Variants in CDH18 observed in about 807,000 individuals in gnomAD.
The protein encoded by CDH18 is cadherin 18.
Under a neutral mutation model 67.9 loss-of-function variants are expected in CDH18, and 31 were observed. The observed-to-expected ratio is 0.46, with a 90% CI of 0.34 to 0.62. The LOEUF is 0.62. Among genes scored for constraint, CDH18 ranks in the 20% least tolerant of loss-of-function variants. CDH18 has a pLI of 0.01. For missense variants in CDH18, 890 were observed against 975.5 expected, an observed-to-expected ratio of 0.91 and a Z score of 1.17; for synonymous variants, 362 against 347.2, an observed-to-expected ratio of 1.04 and a Z score of -0.48.
rs6874794 is a variant in CDH18, at chr5:20,505,941, C to T, written c.-580+69521G>A. 8.6e-3 allele frequency among the ~76,000 whole-genome samples: 1,308 copies of T among 152,292 alleles called. 8 individuals are homozygous for T. Among genetic ancestry groups the T allele is most frequent in the Middle Eastern group, 0.037 (11 of 294 alleles). ...CCCATCAGTTAGGACACCACACTCA[C>T]ACATGTGCTATGCCTGGTCCCTGTG... On this transcript the variant is annotated intron_variant, in intron 1 of 14. Coordinates refer to the CDH18 transcript ENST00000507958.
intron 2 of CDH18, among the ~76,000 whole-genome samples, chr5:20,103,147 A>G (rs550186456): frequency 6.6e-5 from 10 of 152,304 alleles, no homozygotes; most frequent in African/African-American, 2.4e-4. Context: ...CAGTACAGAC[A>G]AGCGTTCTTT....
rs112095818 is a variant in CDH18, at chr5:20,457,254, T to C, written c.-580+118208A>G. The stretch of plus-strand genomic sequence containing the variant: ...AGGGTAGAGGCAAGACAATGTACCA[T>C]GTTAAAAAGAGGATAAAAAGATTTC... On this transcript the variant is annotated intron_variant, in intron 1 of 14. Transcript: ENST00000507958. Among the ~76,000 whole-genome samples, 89 of 152,282 alleles carry C rather than the reference T, an allele frequency of 5.8e-4. 2 individuals are homozygous for C. The highest frequency in any genetic ancestry group is 1.9e-3 in the African/African-American group (79 of 41,564).
chr5:19,606,392 GA>G (rs1561454424), intron 6 of CDH18, among the ~76,000 whole-genome samples: 2 of 151,972 alleles, frequency 1.3e-5, no homozygotes, highest in African/African-American at 4.8e-5. Flanking sequence ...AAAAAGTTTT[GA>G]AATAAGTATG....
At chr5:20,313,900 G>A (rs1040469209) in intron 1 of CDH18, among the ~76,000 whole-genome samples, 2 of 152,084 alleles carry the variant, frequency 1.3e-5, no homozygotes, top group Non-Finnish European at 2.9e-5. Context: ...ACTCAAAGAA[G>A]GCGACCAACA....
intron 3 of CDH18, among the ~76,000 whole-genome samples, chr5:19,755,427 G>GAATATATATA (rs1771413207): frequency 2.2e-5 from 1 of 44,660 alleles, no homozygotes; most frequent in Non-Finnish European, 4.7e-5. Flanking sequence ...AACTAACAGG[G>GAATATATATA]TATGTATATA....
At chr5:20,038,293 C>T (rs1429562424) in intron 2 of CDH18, among the ~76,000 whole-genome samples, 1 of 152,106 alleles carries the variant, frequency 6.6e-6, no homozygotes, top group South Asian at 2.1e-4. Context: ...TGGTACCATT[C>T]CTTCTGAAAC....
chr5:19,637,421 T>C (rs187082365), intron 5 of CDH18, among the ~76,000 whole-genome samples: 261 of 152,262 alleles, frequency 1.7e-3, no homozygotes, highest in African/African-American at 5.9e-3. Flanking sequence ...CCTACACTAC[T>C]GATTCCTATT....
At chr5:20,445,114 G>A (rs1270661527) in intron 1 of CDH18, among the ~76,000 whole-genome samples, 1 of 152,138 alleles carries the variant, frequency 6.6e-6, no homozygotes, top group Non-Finnish European at 1.5e-5. Context: ...CACAGTTGGT[G>A]TGTCCTGCTA....
At chr5:20,086,614 C>A (rs1437592520) in intron 2 of CDH18, among the ~76,000 whole-genome samples, 1 of 151,984 alleles carries the variant, frequency 6.6e-6, no homozygotes, top group Admixed American at 6.6e-5. Context: ...TTTACCACTC[C>A]AAAAAAATCC....
chr5:20,409,204 A>G (rs1045678398), intron 1 of CDH18, among the ~76,000 whole-genome samples: 2 of 151,836 alleles, frequency 1.3e-5, no homozygotes, highest in East Asian at 3.9e-4. Flanking sequence ...ATTTTACCCC[A>G]AAGCAAAAGA....
Position 19,534,448 on chromosome 5 carries a change from C to T in CDH18, c.1390+9421G>A, listed in dbSNP as rs139224154. ...TTAACATACAATTTGTTACTTGTTACTATAATATAGCAACATGAAGGAAAA... is the reference window on the plus strand; with the variant it reads ...TTAACATACAATTTGTTACTTGTTATTATAATATAGCAACATGAAGGAAAA... On this transcript the variant is annotated intron_variant, in intron 9 of 12. Coordinates refer to ENST00000382275, the MANE Select transcript of CDH18 (RefSeq NM_004934.5). Among the ~76,000 whole-genome samples, 639 of 152,082 alleles carry T rather than the reference C, an allele frequency of 4.2e-3. 9 individuals are homozygous for T. Among genetic ancestry groups the T allele is most frequent in the African/African-American group, 0.014 (597 of 41,496 alleles).
intron 2 of CDH18, among the ~76,000 whole-genome samples, chr5:19,924,068 A>C (rs1792812576): frequency 6.6e-6 from 1 of 152,194 alleles, no homozygotes; most frequent in African/African-American, 2.4e-5. Flanking sequence ...ATTGCATGGA[A>C]TATAACCCAT....
chr5:19,917,422 A>C (rs1791949925), intron 2 of CDH18, among the ~76,000 whole-genome samples: 1 of 151,422 alleles, frequency 6.6e-6, no homozygotes, highest in Admixed American at 6.6e-5. Flanking sequence ...ATGGTCCTTA[A>C]AGTTTAAACT....
chr5:19,484,340 G>A (rs1740005963), intron 11 of CDH18, among the ~76,000 whole-genome samples: 1 of 152,100 alleles, frequency 6.6e-6, no homozygotes, highest in South Asian at 2.1e-4. Flanking sequence ...CACAAAGCTA[G>A]TAAATGATAA....
At chr5:20,556,175 T>C (rs898407055) in intron 1 of CDH18, among the ~76,000 whole-genome samples, 18 of 152,188 alleles carry the variant, frequency 1.2e-4, no homozygotes, top group Admixed American at 1.0e-3. Flanking sequence ...TCACCTTCTG[T>C]GGAGGAATCA....
chr5:19,670,499 T>G (rs577430806), intron 5 of CDH18, among the ~76,000 whole-genome samples: 41 of 152,292 alleles, frequency 2.7e-4, no homozygotes, highest in Non-Finnish European at 5.7e-4. Flanking sequence ...AGGACAAATG[T>G]AACGTTTATC....
intron 2 of CDH18, among the ~76,000 whole-genome samples, chr5:20,132,028 C>G (rs1749312746): frequency 6.6e-6 from 1 of 152,072 alleles, no homozygotes; most frequent in Non-Finnish European, 1.5e-5. Flanking sequence ...GCTGAGATTA[C>G]AGGCAGGCAC....
intron 2 of CDH18, among the ~76,000 whole-genome samples, chr5:19,848,847 C>T (rs888457306): frequency 6.7e-6 from 1 of 148,686 alleles, no homozygotes. Context: ...ATATAAAATG[C>T]TATATATAGC....
At chr5:19,694,873 C>A (rs1483552576) in intron 5 of CDH18, among the ~76,000 whole-genome samples, 311 of 141,056 alleles carry the variant, frequency 2.2e-3, no homozygotes, top group South Asian at 2.7e-3. Flanking sequence ...GACTCTGTCT[C>A]AAAAAAAAAA....
Sources: allele counts gnomAD v4.1 joint callset (sites outside exome capture counted in the v4.1 genomes callset), GRCh38; gene constraint gnomAD v4.1.1; transcripts MANE v1.5; gene names NCBI Gene and HGNC (gene_info 2026-07-23, HGNC 2026-07-21).